The following UBE3A variants were observed in gnomAD, a reference collection of about 807,000 sequenced individuals.
UBE3A encodes ubiquitin protein ligase E3A.
In UBE3A, 6 loss-of-function variants were observed where a neutral mutation model predicts 83.4. The observed-to-expected ratio is 0.07, with a 90% CI of 0.04 to 0.14. The LOEUF is 0.14. UBE3A is among the 10% of genes least tolerant of loss of function. The pLI is 1.00. For synonymous variants in UBE3A, 337 were observed against 355.4 expected (o/e 0.95, Z 0.58); for missense variants, 456 against 1,036.1 (o/e 0.44, Z 7.69).
At chr15:25,430,157 A>G (rs1211966634) in intron 1 of UBE3A, among the ~76,000 whole-genome samples, 2 of 25,292 alleles carry the variant, frequency 7.9e-5, no homozygotes, top group African/African-American at 2.0e-4. Flanking sequence ...TAATACATAT[A>G]TATAAGATTA....
intron 4 of UBE3A, among the ~76,000 whole-genome samples, chr15:25,377,693 C>T (rs548693172): frequency 3.3e-5 from 5 of 152,020 alleles, no homozygotes; most frequent in South Asian, 4.2e-4. Context: ...ACACGAATAC[C>T]GTGTGAATGA....
At chr15:25,425,090 G>A (rs1196303348) in intron 1 of UBE3A, among the ~76,000 whole-genome samples, 2 of 152,034 alleles carry the variant, frequency 1.3e-5, no homozygotes, top group Non-Finnish European at 1.5e-5. Flanking sequence ...ACATTTCCTG[G>A]TTTCAAGACT....
intron 6 of UBE3A, among the ~76,000 whole-genome samples, chr15:25,361,663 T>C (rs2078131596): frequency 6.6e-6 from 1 of 152,158 alleles, no homozygotes; most frequent in Non-Finnish European, 1.5e-5. Flanking sequence ...GGATGGATAC[T>C]GTATCTAGTA....
chr15:25,415,843 C>G (rs2090789936), intron 1 of UBE3A: 1 of 100,902 alleles, frequency 9.9e-6, no homozygotes, highest in African/African-American at 3.4e-5. Context: ...TACCTCCCCT[C>G]TACAAGAAAA....
At chr15:25,348,782 TAAAACAGTGCTG>T (rs2152593880) in intron 11 of UBE3A, among the ~76,000 whole-genome samples, 1 of 152,294 alleles carries the variant, frequency 6.6e-6, no homozygotes, top group African/African-American at 2.4e-5. Flanking sequence ...TTAAAAACTA[TAAAACAGTGCTG>T]AGATAAACTA....
rs545708489 is a variant in UBE3A at position 25,335,492 on chromosome 15, G to C, written c.*3645C>G. The C allele has an allele frequency of 1.3e-5, 2 of 152,264 alleles. No individual in the cohort carries two copies. Among genetic ancestry groups the C allele is most frequent in the African/African-American group, 4.8e-5 (2 of 41,512 alleles). 9.4% of individuals were successfully genotyped at this position (152,264 alleles called of 1,614,324 possible). On this transcript the variant is annotated 3_prime_UTR_variant, in exon 13 of 13. Transcript: ENST00000648336. ...AATTAGGCAGCTGCTAAGAATGTCC[G>C]GGTGAGTCAGAGGATCAGGACCTGT... is the stretch of plus-strand genomic sequence containing the variant.
intron 6 of UBE3A, among the ~76,000 whole-genome samples, chr15:25,364,034 AC>A (rs1362974447): frequency 7.1e-6 from 1 of 141,340 alleles, no homozygotes; most frequent in Non-Finnish European, 1.5e-5. Context: ...TCTACAAAAA[AC>A]TAATAAATAA....
Position 25,336,438 on chromosome 15 carries a change from T to C in UBE3A, c.*2699A>G, listed in dbSNP as rs914054489. The C allele has an allele frequency of 2.0e-5, 3 of 152,188 alleles. No individual in the cohort carries two copies. Among genetic ancestry groups the C allele is most frequent in the African/African-American group, 7.2e-5 (3 of 41,442 alleles). The allele number at this position is 152,188 out of a possible 1,614,324, so 9.4% of individuals were successfully genotyped here. Reference sequence around the variant, plus strand: ...AGAATGGTCATGTTTTTAATGGGAATAGGGAGTGATGCTGCCCCATTACAA... The same window carrying C: ...AGAATGGTCATGTTTTTAATGGGAACAGGGAGTGATGCTGCCCCATTACAA... On this transcript the variant is annotated 3_prime_UTR_variant, in exon 13 of 13. Transcript: ENST00000648336.
At chr15:25,397,358 G>A (rs1470361989) in intron 4 of UBE3A, among the ~76,000 whole-genome samples, 1 of 152,122 alleles carries the variant, frequency 6.6e-6, no homozygotes, top group African/African-American at 2.4e-5. Context: ...AAATAATCAT[G>A]CCTCACACAT....
At chr15:25,360,161 A>C (rs1026951159) in intron 7 of UBE3A, among the ~76,000 whole-genome samples, 1 of 152,230 alleles carries the variant, frequency 6.6e-6, no homozygotes, top group African/African-American at 2.4e-5. Context: ...AATTTCCTTC[A>C]TTAGAATATT....
chr15:25,339,342 G>T (rs1434704178), intron 12 of UBE3A, 85 bp from the exon 13 acceptor site: 4 of 1,532,384 alleles, frequency 2.6e-6, no homozygotes, highest in South Asian at 1.2e-5. Context: ...TTTTTAGATT[G>T]TATATAGTTG....
chr15:25,351,985 G>A (rs1198167338), intron 11 of UBE3A, among the ~76,000 whole-genome samples: 2 of 151,988 alleles, frequency 1.3e-5, no homozygotes, highest in Admixed American at 1.3e-4. Flanking sequence ...CCAGAGGTCA[G>A]GAGTTTGAGA....
chr15:25,388,713 A>G (rs2152942869), intron 4 of UBE3A, among the ~76,000 whole-genome samples: 1 of 151,712 alleles, frequency 6.6e-6, no homozygotes, highest in Admixed American at 6.5e-5. Context: ...GAATTGAAAA[A>G]AAGAAAAAGA....
chr15:25,382,094 G>A (rs957017374), intron 4 of UBE3A, among the ~76,000 whole-genome samples: 1 of 152,124 alleles, frequency 6.6e-6, no homozygotes, highest in African/African-American at 2.4e-5. Flanking sequence ...CGAGGCAGGC[G>A]GATCATGAGG....
Position 25,432,235 on chromosome 15 carries a change from G to A in UBE3A, c.-165+6254C>T, listed in dbSNP as rs148357672. ...GACATATGTCCATAGTGAATACATG[G>A]TGCTTTATTGTTTTCAGTATTTCTA... is the stretch of plus-strand genomic sequence containing the variant. On this transcript the variant is annotated intron_variant, in intron 1 of 12. Transcript: ENST00000648336. Among the ~76,000 whole-genome samples the A allele has an allele frequency of 4.8e-4, 73 of 152,276 alleles. 1 individual carries two copies. The highest frequency in any genetic ancestry group is 4.6e-3 in the Admixed American group (71 of 15,304).
At chr15:25,393,540 GTAAAC>G (rs2084889082) in intron 4 of UBE3A, among the ~76,000 whole-genome samples, 1 of 151,998 alleles carries the variant, frequency 6.6e-6, no homozygotes, top group African/African-American at 2.4e-5. Flanking sequence ...TGTACTAAAG[GTAAAC>G]TATTCTCATT....
intron 1 of UBE3A, among the ~76,000 whole-genome samples, chr15:25,430,566 C>T (rs750029523): frequency 6.6e-6 from 1 of 151,574 alleles, no homozygotes; most frequent in Non-Finnish European, 1.5e-5. Flanking sequence ...GGCAGTAAAA[C>T]TGACCCCTAG....
intron 6 of UBE3A, among the ~76,000 whole-genome samples, chr15:25,362,411 A>C (rs2078262881): frequency 6.6e-6 from 1 of 152,160 alleles, no homozygotes; most frequent in African/African-American, 2.4e-5. Flanking sequence ...ACTCTCACTT[A>C]CCATAACTTT....
chr15:25,356,367 G>C (rs112486387), intron 8 of UBE3A, among the ~76,000 whole-genome samples: 7 of 152,098 alleles, frequency 4.6e-5, no homozygotes, highest in Non-Finnish European at 1.0e-4. Context: ...CACACTCGTT[G>C]TAACTACCAA....
Sources: allele counts gnomAD v4.1 joint callset (sites outside exome capture counted in the v4.1 genomes callset), GRCh38; gene constraint gnomAD v4.1.1; transcripts MANE v1.5; gene names NCBI Gene and HGNC (gene_info 2026-07-23, HGNC 2026-07-21).